Variants in MTUS2 observed in about 807,000 individuals in gnomAD.
The protein encoded by MTUS2 is microtubule associated scaffold protein 2, also known as microtubule-associated tumor suppressor candidate 2.
In MTUS2, 40 loss-of-function variants were observed where a neutral mutation model predicts 114.1. The observed-to-expected ratio is 0.35, with a 90% CI of 0.27 to 0.46. The LOEUF is 0.46. Among genes scored for constraint, MTUS2 ranks in the 20% least tolerant of loss-of-function variants. The probability of loss-of-function intolerance (pLI) is 1.00; values close to 1 mark genes in which losing one functional copy is unlikely to be tolerated. For synonymous variants in MTUS2, 688 were observed against 672.0 expected (o/e 1.02, Z -0.37); for missense variants, 1,679 against 1,705.4 (o/e 0.98, Z 0.27).
intron 14 of MTUS2, among the ~76,000 whole-genome samples, chr13:29,499,980 G>A (rs1882783866): frequency 6.6e-6 from 1 of 152,268 alleles, no homozygotes; most frequent in South Asian, 2.1e-4. Context: ...GGGAGCTACA[G>A]GACAGCGCCT....
At chr13:29,047,039 G>T (rs937360744) in intron 4 of MTUS2, among the ~76,000 whole-genome samples, 2 of 152,188 alleles carry the variant, frequency 1.3e-5, no homozygotes, top group Non-Finnish European at 1.5e-5. Context: ...GTGCTCTCAC[G>T]GTGACTGGCC....
At chr13:29,388,827 G>C (rs907205813) in intron 8 of MTUS2, among the ~76,000 whole-genome samples, 1 of 151,954 alleles carries the variant, frequency 6.6e-6, no homozygotes, top group Non-Finnish European at 1.5e-5. Flanking sequence ...ATTTGAGTTT[G>C]GCTCCCTTGG....
At chr13:29,225,236 A>G (rs1049629411) in intron 5 of MTUS2, among the ~76,000 whole-genome samples, 7 of 151,814 alleles carry the variant, frequency 4.6e-5, no homozygotes, top group African/African-American at 7.3e-5. Context: ...CTGATTCTCA[A>G]CTCTTTCTTC....
rs200186645 is a variant in MTUS2 at position 29,199,727 on chromosome 13, TG to T, written c.2645-81976del. Among the ~76,000 whole-genome samples, 648 of 149,916 alleles carry T rather than the reference TG, an allele frequency of 4.3e-3. 4 individuals are homozygous for T. The highest frequency in any genetic ancestry group is 0.035 in the East Asian group (177 of 5,106). ...CATAAAATGAGTTAGGGAGGAGTCCTGTTTTTTTTCTGTTGTTTGGAATAGT... is the reference window on the plus strand; with the variant it reads ...CATAAAATGAGTTAGGGAGGAGTCCTTTTTTTTTCTGTTGTTTGGAATAGT... On this transcript the variant is annotated intron_variant, in intron 5 of 15. Coordinates refer to ENST00000612955, the MANE Select transcript of MTUS2 (RefSeq NM_001033602.4).
At position 28,966,667 on chromosome 13, in the gene MTUS2, GTGAGCTGTGA is replaced by G. The variant is rs1383268030; in HGVS notation, c.-242-57787_-242-57778del. ...TTGAACCTAGGAGGTCCATGCTGCA[GTGAGCTGTGA>G]TGGTGTTACTGTACTTGAGCCTGGG... On this transcript the variant is annotated intron_variant, in intron 2 of 15. Transcript: ENST00000612955. Among the ~76,000 whole-genome samples, 7 of 145,108 alleles carry G rather than the reference GTGAGCTGTGA, an allele frequency of 4.8e-5. No individual in the cohort carries two copies. The East Asian group carries it at 1.4e-3, about 30-fold the overall frequency.
At chr13:28,896,933 T>G (rs551447448) in intron 2 of MTUS2, among the ~76,000 whole-genome samples, 36 of 152,342 alleles carry the variant, frequency 2.4e-4, no homozygotes, top group African/African-American at 8.7e-4. Context: ...ATGTTAGACC[T>G]GAAACCATAA....
At chr13:29,436,484 A>G (rs1877417834) in intron 8 of MTUS2, among the ~76,000 whole-genome samples, 1 of 152,236 alleles carries the variant, frequency 6.6e-6, no homozygotes, top group Non-Finnish European at 1.5e-5. Flanking sequence ...GGACAGCATG[A>G]ATCACCTGTA....
chr13:29,037,500 C>T (rs535398888), intron 4 of MTUS2, among the ~76,000 whole-genome samples: 1 of 152,078 alleles, frequency 6.6e-6, no homozygotes, highest in Non-Finnish European at 1.5e-5. Flanking sequence ...TGGGGTTGCT[C>T]TTCTTGAGGA....
intron 5 of MTUS2, among the ~76,000 whole-genome samples, chr13:29,128,179 A>G (rs927510696): frequency 3.9e-5 from 6 of 152,246 alleles, no homozygotes; most frequent in African/African-American, 1.2e-4. Context: ...GGCATGACAC[A>G]TTGCAGCAGC....
chr13:29,157,819 T>TATA (rs1892926014), intron 5 of MTUS2, among the ~76,000 whole-genome samples: 2 of 114,884 alleles, frequency 1.7e-5, no homozygotes, highest in Non-Finnish European at 4.5e-5. Context: ...CAGATATAGA[T>TATA]GTAGATATAG....
rs112579670 is a variant in MTUS2 at position 28,931,352 on chromosome 13, A to C, written c.-243+91502A>C. ...CAAATCTCAACTTCCCCAGGTGTTG[A>C]GGGAGGAACCTGGTGGGAGGTGATT... On this transcript the variant is annotated intron_variant, in intron 2 of 15. Coordinates refer to ENST00000612955, the MANE Select transcript of MTUS2 (RefSeq NM_001033602.4). Among the ~76,000 whole-genome samples, 1,132 of 152,306 alleles carry C rather than the reference A, an allele frequency of 7.4e-3. 18 individuals carry two copies. The highest frequency in any genetic ancestry group is 0.025 in the African/African-American group (1,056 of 41,584).
chr13:29,384,330 T>C (rs527948342), intron 8 of MTUS2, among the ~76,000 whole-genome samples: 4 of 152,256 alleles, frequency 2.6e-5, no homozygotes, highest in Non-Finnish European at 5.9e-5. Flanking sequence ...TAATTATTTA[T>C]GACCCTTACT....
chr13:29,209,914 T>G (rs9551622), intron 5 of MTUS2, among the ~76,000 whole-genome samples: 108,811 of 152,030 alleles, frequency 0.72, 39,221 homozygotes, highest in East Asian at 0.8. Context: ...CCTAGGCAAT[T>G]ATCTTTTTGC....
chr13:28,891,730 T>C (rs956440915), intron 2 of MTUS2, among the ~76,000 whole-genome samples: 1 of 151,360 alleles, frequency 6.6e-6, no homozygotes, highest in East Asian at 1.9e-4. Context: ...ATACAAAAAT[T>C]AGCTGGTTGT....
rs149760747 is a variant in MTUS2 at position 29,235,250 on chromosome 13, C to T, written c.2645-46454C>T. ...TAGCTGGGATAGGCATGCGCCACCACGCCTGGCTAATTTTGTATTTTTGGT... is the reference window on the plus strand; with the variant it reads ...TAGCTGGGATAGGCATGCGCCACCATGCCTGGCTAATTTTGTATTTTTGGT... On this transcript the variant is annotated intron_variant, in intron 5 of 15. Coordinates refer to ENST00000612955, the MANE Select transcript of MTUS2 (RefSeq NM_001033602.4). Among the ~76,000 whole-genome samples, 7 of 152,202 alleles carry T rather than the reference C, an allele frequency of 4.6e-5. No homozygotes were observed. The East Asian group carries it at 7.7e-4, about 17-fold the overall frequency.
intron 4 of MTUS2, among the ~76,000 whole-genome samples, chr13:29,054,034 A>G (rs1484301101): frequency 1.3e-5 from 2 of 152,212 alleles, no homozygotes; most frequent in African/African-American, 4.8e-5. Flanking sequence ...CCCATGAGCA[A>G]TCTATGAGAG....
chr13:29,251,962 T>A (rs1254603173), intron 5 of MTUS2, among the ~76,000 whole-genome samples: 3 of 152,208 alleles, frequency 2.0e-5, no homozygotes, highest in African/African-American at 7.2e-5. Flanking sequence ...GGACTGGAAT[T>A]GCTGGATCAC....
At chr13:29,435,889 T>G (rs1202441766) in intron 8 of MTUS2, among the ~76,000 whole-genome samples, 2 of 152,154 alleles carry the variant, frequency 1.3e-5, no homozygotes, top group African/African-American at 4.8e-5. Flanking sequence ...AGCAACATAT[T>G]CAGAGGTCAT....
chr13:28,980,324 CATT>C (rs1323335478), intron 2 of MTUS2, among the ~76,000 whole-genome samples: 1 of 152,134 alleles, frequency 6.6e-6, no homozygotes, highest in African/African-American at 2.4e-5. Flanking sequence ...TTAAGAGAGA[CATT>C]AGAAGGTATG....
Sources: allele counts gnomAD v4.1 joint callset (sites outside exome capture counted in the v4.1 genomes callset), GRCh38; gene constraint gnomAD v4.1.1; transcripts MANE v1.5; gene names NCBI Gene and HGNC (gene_info 2026-07-23, HGNC 2026-07-21).